SLC38A2: variants seen among roughly 807,000 people sequenced by gnomAD.
The protein encoded by SLC38A2 is sodium-coupled neutral amino acid symporter 2.
Under a neutral mutation model 61.5 loss-of-function variants are expected in SLC38A2, and 11 were observed. That is an observed-to-expected ratio of 0.18 (90% confidence interval 0.11 to 0.30). The LOEUF is 0.30. Ranked by LOEUF, SLC38A2 falls within the 10% of genes least tolerant of loss-of-function variation. SLC38A2 has a pLI of 1.00. For missense variants in SLC38A2, 522 were observed against 600.4 expected (o/e 0.87, Z 1.36); for synonymous variants, 217 against 212.5 (o/e 1.02, Z -0.18).
intron 4 of SLC38A2, among the ~76,000 whole-genome samples, chr12:46,367,594 G>C (rs1301255429): frequency 6.6e-6 from 1 of 152,220 alleles, no homozygotes; most frequent in Non-Finnish European, 1.5e-5. Flanking sequence ...TACCCACTGA[G>C]CCAAACATAG....
In SLC38A2 at chr12:46,367,223, G is replaced by T. The variant is rs761243101; in HGVS notation, c.388+44C>A. The T allele has an allele frequency of 5.1e-6, 8 of 1,578,520 alleles. No homozygotes were observed. The South Asian group carries it at 6.7e-5, about 13-fold the overall frequency. ...AAGGATTTTAAAAGAGAAATAAAATGATAGGTATACATTGTTTTAGAAAAA... is the reference window on the plus strand; with the variant it reads ...AAGGATTTTAAAAGAGAAATAAAATTATAGGTATACATTGTTTTAGAAAAA... On this transcript the variant is annotated intron_variant, in intron 5 of 15. Transcript: ENST00000256689.
chr12:46,361,146 C>T lies in SLC38A2; in HGVS notation c.1486G>A (p.Asp496Asn). 4 of 1,613,464 alleles carry T rather than the reference C, an allele frequency of 2.5e-6. No homozygotes were observed. Among genetic ancestry groups the T allele is most frequent in the Non-Finnish European group, 3.4e-6 (4 of 1,179,624 alleles). Residue 496 changes from aspartate (D) to asparagine (N), a missense_variant, in exon 16 of 16, where the codon GAT becomes AAT. This residue lies in a region of SLC38A2 where 309 missense variants were observed against 343.9 expected (regional missense o/e 0.90). Transcript: ENST00000256689. ...MTGSMALIVL[D>N]WVHNAPGGGH is the part of the protein sequence containing the mutation. ...CCTCCAGGTGCATTGTGTACCCAAT[C>T]CAAAACAATCAAGGCCATGCTTCCG...
rs369071617 is a variant in SLC38A2, at chr12:46,371,195, C to T, written c.99G>A (p.Lys33=). ...TCTCCCACCTTTTCAGAGCAGCTTG[C>T]TTGGTGGGGTAGGAGTAGTTGAAGT... is the stretch of plus-strand genomic sequence containing the variant. ...NSDFNYSYPT[K]QAALKSHYAD... The change falls in exon 2 of 16, where the codon AAG becomes AAA. Residue 33 remains lysine (K), a synonymous_variant. Transcript: ENST00000256689. The T allele has an allele frequency of 2.7e-5, 44 of 1,614,060 alleles. No homozygotes were observed. In the Middle Eastern group the frequency reaches 8.2e-4, roughly 30 times the overall value.
rs764737761 is a variant in SLC38A2, at chr12:46,363,114, G to A, written c.1086C>T (p.Tyr362=). The change falls in exon 13 of 16, where the codon TAC becomes TAT. Residue 362 remains tyrosine (Y), a synonymous_variant. Coordinates refer to ENST00000256689, the MANE Select transcript of SLC38A2 (RefSeq NM_018976.5). ...GAATATCAGTTCCCAAGATAGAAGA[G>A]TAGGTATGAAGCAATTCTGACTCAA... ...EHVESELLHT[Y]SSILGTDILL... The A allele has an allele frequency of 1.1e-5, 17 of 1,612,958 alleles. No individual in the cohort carries two copies. The highest frequency in any genetic ancestry group is 1.2e-5 in the Non-Finnish European group (14 of 1,179,130).
Position 46,361,105 on chromosome 12 carries a change from T to C in SLC38A2, c.*6A>G. ...ATGGACTGAGTTTGAGTTTGAGTGG[T>C]GCCAATTAATGGCCACCTCCAGGTG... On this transcript the variant is annotated 3_prime_UTR_variant, in exon 16 of 16. Coordinates refer to ENST00000256689, the MANE Select transcript of SLC38A2 (RefSeq NM_018976.5). The C allele has an allele frequency of 6.2e-7, 1 of 1,611,672 alleles. No homozygotes were observed. The highest frequency in any genetic ancestry group is 1.1e-5 in the South Asian group (1 of 90,886).
In SLC38A2 at chr12:46,360,977, CA is replaced by C; in HGVS notation, c.*133del. 1.5e-6 allele frequency: 1 copy of C among 652,294 alleles called. No homozygotes were observed. The highest frequency in any genetic ancestry group is 2.6e-6 in the Non-Finnish European group (1 of 381,126). 40.4% of individuals were successfully genotyped at this position (652,294 alleles called of 1,614,324 possible). A position where few individuals can be genotyped will look rare whatever the true frequency, so the allele number is the denominator to read the frequency against. On this transcript the variant is annotated 3_prime_UTR_variant, in exon 16 of 16. Transcript: ENST00000256689. ...AAAACAAAAAAGTTCACTTATTCTG[CA>C]CTCAGAAGAACCAGCGAGGAATCTG...
intron 4 of SLC38A2, among the ~76,000 whole-genome samples, chr12:46,367,976 G>A (rs1410712440): frequency 2.0e-5 from 3 of 152,020 alleles, no homozygotes; most frequent in Non-Finnish European, 4.4e-5. Context: ...CATCTCTACC[G>A]AAGGAAAAAC....
In SLC38A2 at chr12:46,364,633, A is replaced by G. The variant is rs980239078; in HGVS notation, c.705+11T>C. Reference sequence around the variant, plus strand: ...ATAAAAAATTTTTTCTAAAAAAAAAATCATACCCACCACAATCAGAAAGAA... The same window carrying G: ...ATAAAAAATTTTTTCTAAAAAAAAAGTCATACCCACCACAATCAGAAAGAA... On this transcript the variant is annotated intron_variant, in intron 9 of 15. Transcript: ENST00000256689. 2.5e-6 allele frequency: 4 copies of G among 1,604,048 alleles called. No individual in the cohort carries two copies. Among genetic ancestry groups the G allele is most frequent in the Non-Finnish European group, 3.4e-6 (4 of 1,176,728 alleles).
At position 46,371,388 on chromosome 12, in the gene SLC38A2, G is replaced by C. The variant is rs189159585; in HGVS notation, c.-86-9C>G. On this transcript the variant is annotated splice_polypyrimidine_tract_variant and intron_variant, in intron 1 of 15. Coordinates refer to ENST00000256689, the MANE Select transcript of SLC38A2 (RefSeq NM_018976.5). ...GCGGCCCGCGAGTCGGCCTGCGAAAGTAGAGGCGGCGCGTCAGGACCGCAG... is the reference window on the plus strand; with the variant it reads ...GCGGCCCGCGAGTCGGCCTGCGAAACTAGAGGCGGCGCGTCAGGACCGCAG... 1.5e-5 allele frequency: 15 copies of C among 993,826 alleles called. No homozygotes were observed. Among genetic ancestry groups the C allele is most frequent in the Non-Finnish European group, 1.9e-5 (12 of 642,596 alleles). The allele number at this position is 993,826 out of a possible 1,614,324, so 61.6% of individuals were successfully genotyped here. A position where few individuals can be genotyped will look rare whatever the true frequency, so the allele number is the denominator to read the frequency against.
chr12:46,364,202 T>C (rs3782904), intron 10 of SLC38A2, among the ~76,000 whole-genome samples, 187 bp downstream of exon 10: 91,721 of 151,820 alleles, frequency 0.6, 27,799 homozygotes, highest in Middle Eastern at 0.69. Context: ...TAGCACCATA[T>C]GATTATCTCA....
At chr12:46,372,228 C>A (rs1298829648) in intron 1 of SLC38A2, 1 of 156,798 alleles carries the variant, frequency 6.4e-6, no homozygotes, top group African/African-American at 2.4e-5. Context: ...CGCAGCAGAG[C>A]CGCTGGCCGG....
In SLC38A2 at chr12:46,372,729, G is replaced by C. The variant is rs1189088078; in HGVS notation, c.-307C>G. On this transcript the variant is annotated 5_prime_UTR_variant, in exon 1 of 16. Transcript: ENST00000256689. ...GTAACGCGTGGTCGGGCTGCTGCTA[G>C]CAGTACTGGAAAGGCGTTCTAAGGC... is the stretch of plus-strand genomic sequence containing the variant. 5 of 398,362 alleles carry C rather than the reference G, an allele frequency of 1.3e-5. No homozygotes were observed. The East Asian group carries it at 1.8e-4, about 14-fold the overall frequency. The allele number at this position is 398,362 out of a possible 1,614,324, so 24.7% of individuals were successfully genotyped here. A position where few individuals can be genotyped will look rare whatever the true frequency, so the allele number is the denominator to read the frequency against.
At chr12:46,370,136 A>G (rs983344200) in intron 4 of SLC38A2, among the ~76,000 whole-genome samples, 1 of 152,208 alleles carries the variant, frequency 6.6e-6, no homozygotes, top group African/African-American at 2.4e-5. Context: ...GATTTACCAA[A>G]ATGATTTGGA....
intron 10 of SLC38A2, 84 bp downstream of exon 10, chr12:46,364,305 C>G: frequency 7.4e-7 from 1 of 1,348,246 alleles, no homozygotes; most frequent in East Asian, 2.3e-5. Flanking sequence ...ACCTATTATC[C>G]TCCTCCCTTT....
intron 1 of SLC38A2, chr12:46,371,583 T>C (rs1396675507): frequency 5.2e-6 from 2 of 382,984 alleles, no homozygotes; most frequent in Non-Finnish European, 9.4e-6. Flanking sequence ...ATGCCACCGC[T>C]GTGTTGCGGC....
chr12:46,369,291 G>A (rs757821311), intron 4 of SLC38A2, among the ~76,000 whole-genome samples: 4 of 152,148 alleles, frequency 2.6e-5, no homozygotes, highest in Non-Finnish European at 4.4e-5. Context: ...TACGTAAATC[G>A]CTGGTCCTTC....
intron 8 of SLC38A2, 158 bp from the exon 9 acceptor site, chr12:46,364,860 A>G: frequency 1.4e-6 from 1 of 694,018 alleles, no homozygotes; most frequent in Admixed American, 3.2e-5. Context: ...ACTAAATTAT[A>G]GATTTATTTA....
chr12:46,362,893 C>G, intron 13 of SLC38A2, 128 bp downstream of exon 13: 2 of 1,251,284 alleles, frequency 1.6e-6, no homozygotes, highest in Non-Finnish European at 1.1e-6. Context: ...TAAAAAGCCC[C>G]TTCAAAACCA....
chr12:46,362,337 A>C lies in SLC38A2; in HGVS notation c.1369T>G (p.Phe457Val). Residue 457 changes from phenylalanine to valine, a missense_variant, in exon 15 of 16, where the codon TTC (phenylalanine) becomes GTC (valine). Around this residue, in one of 3 missense-constraint regions of SLC38A2, gnomAD observed 309 missense variants for 343.9 expected, o/e 0.90. Transcript: ENST00000256689. Reference protein sequence around the residue: ...SMLIFILPSAFYIKLVKKEPM... With the variant: ...SMLIFILPSAVYIKLVKKEPM... ...TCTTTCTTCACCAACTTGATATAGAAGGCAGAAGGAAGAATAAAAATCAAC... is the reference window on the plus strand; with the variant it reads ...TCTTTCTTCACCAACTTGATATAGACGGCAGAAGGAAGAATAAAAATCAAC... 1 of 1,612,322 alleles carries C rather than the reference A, an allele frequency of 6.2e-7. No homozygotes were observed. The highest frequency in any genetic ancestry group is 8.5e-7 in the Non-Finnish European group (1 of 1,179,162).
Sources: allele counts gnomAD v4.1 joint callset (sites outside exome capture counted in the v4.1 genomes callset), GRCh38; gene constraint gnomAD v4.1.1; regional missense constraint gnomAD v4.1.1; transcripts MANE v1.5; gene names NCBI Gene and HGNC (gene_info 2026-07-23, HGNC 2026-07-21).